DNAH9: variants seen among roughly 807,000 people sequenced by gnomAD.
DNAH9 encodes the protein dynein axonemal heavy chain 9, also known as DNAH9 variant protein.
In DNAH9, 345 loss-of-function variants were observed where a neutral mutation model predicts 471.6. The observed-to-expected ratio is 0.73, with a 90% CI of 0.67 to 0.80. The LOEUF (loss-of-function observed/expected upper bound fraction) is 0.80. DNAH9 is among the 30% of genes least tolerant of loss of function. DNAH9 has a pLI of 0.00. For missense variants in DNAH9, 5,407 were observed against 5,609.2 expected, an observed-to-expected ratio of 0.96 and a Z score of 1.15; for synonymous variants, 2,093 against 2,123.6, an observed-to-expected ratio of 0.99 and a Z score of 0.40.
At chr17:11,956,287 G>T (rs569299382) in intron 67 of DNAH9, among the ~76,000 whole-genome samples, 181 of 152,132 alleles carry the variant, frequency 1.2e-3, no homozygotes, top group South Asian at 9.1e-3. Context: ...TTTTCAAGAG[G>T]ATATAACAAT....
intron 38 of DNAH9, among the ~76,000 whole-genome samples, chr17:11,769,601 A>C (rs1301924018): frequency 6.6e-6 from 1 of 152,234 alleles, no homozygotes; most frequent in East Asian, 1.9e-4. Flanking sequence ...AGAGCAGTTC[A>C]GCACCTTGAT....
chr17:11,839,715 G>A (rs1970966662), intron 49 of DNAH9, among the ~76,000 whole-genome samples: 1 of 151,928 alleles, frequency 6.6e-6, no homozygotes, highest in Non-Finnish European at 1.5e-5. Context: ...AATACAAATG[G>A]AAATTACCAA....
chr17:11,697,301 A>ATG (rs1456107492), intron 22 of DNAH9, among the ~76,000 whole-genome samples: 1 of 152,164 alleles, frequency 6.6e-6, no homozygotes, highest in Non-Finnish European at 1.5e-5. Flanking sequence ...GAGCAAGTGA[A>ATG]TGGTTAGGGT....
At chr17:11,735,946 T>G (rs1466869464) in intron 28 of DNAH9, among the ~76,000 whole-genome samples, 1 of 152,256 alleles carries the variant, frequency 6.6e-6, no homozygotes, top group Non-Finnish European at 1.5e-5. Context: ...GCCTGGCTTT[T>G]AAGCTTGAGC....
intron 12 of DNAH9, among the ~76,000 whole-genome samples, chr17:11,648,778 C>T (rs918459369): frequency 5.9e-5 from 9 of 152,082 alleles, no homozygotes; most frequent in Non-Finnish European, 1.3e-4. Context: ...CAAAGAAGAA[C>T]ACCATCACAC....
At chr17:11,934,158 A>G in intron 65 of DNAH9, 87 bp downstream of exon 65, 1 of 1,427,948 alleles carries the variant, frequency 7.0e-7, no homozygotes, top group Non-Finnish European at 9.6e-7. Context: ...ACCACCAGGG[A>G]AGCCTCTGCT....
chr17:11,885,610 G>A (rs2150999423), intron 56 of DNAH9, among the ~76,000 whole-genome samples: 1 of 152,218 alleles, frequency 6.6e-6, no homozygotes, highest in Middle Eastern at 3.4e-3. Context: ...ATTTTTAGAA[G>A]TTGTAGCTAG....
chr17:11,958,265 G>A (rs1975770624), intron 67 of DNAH9, among the ~76,000 whole-genome samples: 2 of 152,240 alleles, frequency 1.3e-5, no homozygotes, highest in Middle Eastern at 3.4e-3. Flanking sequence ...GAGTGAGGAT[G>A]GCATGAGTAG....
chr17:11,832,939 G>C (rs187430148), intron 48 of DNAH9, among the ~76,000 whole-genome samples: 50 of 152,300 alleles, frequency 3.3e-4, no homozygotes, highest in Middle Eastern at 6.8e-3. Flanking sequence ...ATTACACTAG[G>C]CCAGTGACTC....
intron 52 of DNAH9, among the ~76,000 whole-genome samples, chr17:11,874,342 G>C (rs1335248742): frequency 2.0e-5 from 3 of 151,982 alleles, no homozygotes; most frequent in Non-Finnish European, 4.4e-5. Context: ...GGGCCTAAGA[G>C]AGGCCACAGG....
intron 62 of DNAH9, chr17:11,925,243 T>C (rs1347024877): frequency 2.2e-6 from 1 of 448,384 alleles, no homozygotes; most frequent in Non-Finnish European, 4.4e-6. Flanking sequence ...GGCCGGTGGG[T>C]CAAGGAATCC....
chr17:11,727,496 C>T (rs893930090), intron 27 of DNAH9, among the ~76,000 whole-genome samples: 1 of 152,070 alleles, frequency 6.6e-6, no homozygotes, highest in Non-Finnish European at 1.5e-5. Context: ...GGCTTTTTGT[C>T]TGTATAGCAT....
rs73290867 is a variant in DNAH9, at chr17:11,694,057, C to G, written c.4745+59C>G. On this transcript the variant is annotated intron_variant, in intron 21 of 68. Coordinates refer to ENST00000262442, the MANE Select transcript of DNAH9 (RefSeq NM_001372.4). Reference sequence around the variant, plus strand: ...GAAGGCATCATTTCCTTTTCCCCATCGTCTCTGAGACCAGTGGGCAGAAGT... The same window carrying G: ...GAAGGCATCATTTCCTTTTCCCCATGGTCTCTGAGACCAGTGGGCAGAAGT... 1.8e-3 allele frequency: 2,863 copies of G among 1,589,050 alleles called. 59 individuals are homozygous for G. The African/African-American group carries it at 0.031, about 17-fold the overall frequency.
intron 6 of DNAH9, among the ~76,000 whole-genome samples, chr17:11,620,372 G>A (rs1032613135): frequency 2.6e-5 from 4 of 151,432 alleles, no homozygotes; most frequent in African/African-American, 9.7e-5. Context: ...AATTAGCCAG[G>A]TGTGGTGGCA....
At chr17:11,694,182 A>T (rs980932856) in intron 21 of DNAH9, 139 bp from the exon 22 acceptor site, 1 of 1,216,002 alleles carries the variant, frequency 8.2e-7, no homozygotes, top group Admixed American at 2.1e-5. Context: ...ATCCATGTAT[A>T]TCTTTGCAAA....
chr17:11,877,466 CTCTG>C lies in DNAH9; in HGVS notation c.10478+2286_10478+2289del, dbSNP rs1273340813. On this transcript the variant is annotated intron_variant, in intron 53 of 68. Transcript: ENST00000262442. ...CCAGCCTGGGGGACAAGAACGAAAA[CTCTG>C]TCTAAAAAAAAAAAAAAAAAAAAAA... Among the ~76,000 whole-genome samples, 23 of 79,716 alleles carry C rather than the reference CTCTG, an allele frequency of 2.9e-4. 1 individual carries two copies. Among genetic ancestry groups the C allele is most frequent in the Admixed American group, 9.6e-4 (5 of 5,204 alleles). The allele number at this position is 79,716 out of a possible 152,430, so 52.3% of individuals were successfully genotyped here. A position where few individuals can be genotyped will look rare whatever the true frequency, so the allele number is the denominator to read the frequency against.
chr17:11,668,847 G>A (rs995327334), intron 15 of DNAH9, among the ~76,000 whole-genome samples: 1 of 151,962 alleles, frequency 6.6e-6, no homozygotes, highest in Non-Finnish European at 1.5e-5. Context: ...AGCAGAATGG[G>A]CCTATTCAAA....
Position 11,822,612 on chromosome 17 carries a change from A to T in DNAH9, c.9012+13A>T. On this transcript the variant is annotated intron_variant, in intron 47 of 68. Coordinates refer to ENST00000262442, the MANE Select transcript of DNAH9 (RefSeq NM_001372.4). ...AGAGGGCATTGAGGTGAGAGAGAAA[A>T]GGAGACACTCCTAAAAGTCCTTCCC... The T allele has an allele frequency of 6.2e-7, 1 of 1,613,760 alleles. No homozygotes were observed. The highest frequency in any genetic ancestry group is 8.5e-7 in the Non-Finnish European group (1 of 1,179,794).
chr17:11,733,431 T>C (rs1487295391), intron 28 of DNAH9, among the ~76,000 whole-genome samples: 1 of 152,146 alleles, frequency 6.6e-6, no homozygotes, highest in Admixed American at 6.5e-5. Flanking sequence ...ATCAGCAGCT[T>C]CCAGTCATGA....
Sources: allele counts gnomAD v4.1 joint callset (sites outside exome capture counted in the v4.1 genomes callset), GRCh38; gene constraint gnomAD v4.1.1; transcripts MANE v1.5; gene names NCBI Gene and HGNC (gene_info 2026-07-23, HGNC 2026-07-21).